The following RPS6KA5 variants were observed in gnomAD, a reference collection of about 807,000 sequenced individuals.
RPS6KA5 encodes ribosomal protein S6 kinase A5.
RPS6KA5 carries 27 observed loss-of-function variants against 85.5 expected under a neutral mutation model. The observed-to-expected ratio is 0.32, with a 90% CI of 0.23 to 0.44. The LOEUF (loss-of-function observed/expected upper bound fraction) is 0.44. Among genes scored for constraint, RPS6KA5 ranks in the 20% least tolerant of loss-of-function variants. RPS6KA5 has a pLI of 1.00. For synonymous variants in RPS6KA5, 334 were observed against 348.2 expected (o/e 0.96, Z 0.46); for missense variants, 811 against 980.9 (o/e 0.83, Z 2.31).
At chr14:91,035,262 A>G (rs912923680) in intron 1 of RPS6KA5, among the ~76,000 whole-genome samples, 4 of 152,152 alleles carry the variant, frequency 2.6e-5, no homozygotes, top group African/African-American at 7.2e-5. Flanking sequence ...ACCACGCTGT[A>G]CTAGTACTAG....
intron 1 of RPS6KA5, among the ~76,000 whole-genome samples, chr14:91,026,417 G>C (rs1595501732): frequency 6.6e-6 from 1 of 151,972 alleles, no homozygotes; most frequent in Non-Finnish European, 1.5e-5. Context: ...TCCCAGTAGA[G>C]ACGAGGTCTC....
chr14:91,052,846 A>T (rs1398133344), intron 1 of RPS6KA5, among the ~76,000 whole-genome samples: 1 of 151,776 alleles, frequency 6.6e-6, no homozygotes. Context: ...AAAAAAAAAA[A>T]AAAAAAAAGC....
At chr14:91,011,861 G>C (rs1333522856) in intron 1 of RPS6KA5, among the ~76,000 whole-genome samples, 1 of 152,020 alleles carries the variant, frequency 6.6e-6, no homozygotes, top group Admixed American at 6.5e-5. Flanking sequence ...GTAAACCATG[G>C]CCTACTCAAT....
At chr14:91,052,113 G>A (rs1193483576) in intron 1 of RPS6KA5, among the ~76,000 whole-genome samples, 1 of 151,236 alleles carries the variant, frequency 6.6e-6, no homozygotes, top group Non-Finnish European at 1.5e-5. Flanking sequence ...AGCAAATTAG[G>A]GGCTGACTTA....
chr14:90,943,693 ACT>A (rs1022442134), intron 4 of RPS6KA5, among the ~76,000 whole-genome samples: 2 of 151,158 alleles, frequency 1.3e-5, no homozygotes, highest in South Asian at 2.1e-4. Context: ...CTATACTCTA[ACT>A]CTTTTTTTCA....
At chr14:90,995,070 A>C (rs1193877931) in intron 2 of RPS6KA5, among the ~76,000 whole-genome samples, 1 of 152,046 alleles carries the variant, frequency 6.6e-6, no homozygotes, top group Admixed American at 6.6e-5. Flanking sequence ...TTTTAATATA[A>C]GACGGAGTCT....
chr14:90,919,626 C>T (rs1041271096), intron 7 of RPS6KA5, among the ~76,000 whole-genome samples: 26 of 152,092 alleles, frequency 1.7e-4, no homozygotes, highest in Non-Finnish European at 3.1e-4. Flanking sequence ...CAAAGCCAGA[C>T]ATGTCCCTTA....
chr14:90,954,962 T>G (rs1416338699), intron 3 of RPS6KA5, among the ~76,000 whole-genome samples: 1 of 152,230 alleles, frequency 6.6e-6, no homozygotes, highest in East Asian at 1.9e-4. Flanking sequence ...ATTCTTGATT[T>G]TGCCAATTTG....
At chr14:90,884,734 T>TG (rs1349433036) in intron 14 of RPS6KA5, among the ~76,000 whole-genome samples, 3 of 152,186 alleles carry the variant, frequency 2.0e-5, no homozygotes, top group Non-Finnish European at 1.5e-5. Context: ...TGATGAACAT[T>TG]GGGTTGTTTC....
intron 1 of RPS6KA5, among the ~76,000 whole-genome samples, chr14:91,045,088 T>C (rs935020145): frequency 1.3e-5 from 2 of 152,124 alleles, no homozygotes; most frequent in Non-Finnish European, 2.9e-5. Context: ...GGATTTATAA[T>C]CTACTAAACT....
chr14:90,914,311 T>TTTG (rs1555361759), intron 7 of RPS6KA5, among the ~76,000 whole-genome samples: 1 of 136,396 alleles, frequency 7.3e-6, no homozygotes, highest in African/African-American at 2.8e-5. Flanking sequence ...TCCCTAGGGT[T>TTTG]TTTTTTTTTT....
chr14:90,923,026 G>A (rs2036483324), intron 6 of RPS6KA5, 87 bp downstream of exon 6: 3 of 944,242 alleles, frequency 3.2e-6, no homozygotes, highest in Non-Finnish European at 5.0e-6. Context: ...AGACGGCTCT[G>A]TTGAAGAGAT....
chr14:90,993,469 C>T (rs1234787173), intron 2 of RPS6KA5, among the ~76,000 whole-genome samples: 4 of 152,040 alleles, frequency 2.6e-5, no homozygotes, highest in South Asian at 2.1e-4. Context: ...AGCAAGACTC[C>T]GTCTCAAAAA....
chr14:91,054,594 G>A (rs952672940), intron 1 of RPS6KA5, among the ~76,000 whole-genome samples: 1 of 149,144 alleles, frequency 6.7e-6, no homozygotes, highest in Non-Finnish European at 1.5e-5. Context: ...GCAAGATCAT[G>A]CCACTGCATT....
chr14:91,058,099 C>G (rs751200218), intron 1 of RPS6KA5, among the ~76,000 whole-genome samples: 1 of 152,132 alleles, frequency 6.6e-6, no homozygotes, highest in Non-Finnish European at 1.5e-5. Flanking sequence ...TACTCTGGTG[C>G]CTATTATAGA....
At chr14:90,891,836 T>C (rs889667489) in intron 13 of RPS6KA5, among the ~76,000 whole-genome samples, 2 of 152,130 alleles carry the variant, frequency 1.3e-5, no homozygotes, top group African/African-American at 2.4e-5. Context: ...AGAAGTCTTT[T>C]AGCAAGTAAC....
intron 7 of RPS6KA5, among the ~76,000 whole-genome samples, chr14:90,913,309 T>C (rs1324203754): frequency 6.6e-6 from 1 of 152,154 alleles, no homozygotes; most frequent in African/African-American, 2.4e-5. Flanking sequence ...ACTCCGGCCA[T>C]TGCTTCTGGG....
In RPS6KA5 at chr14:90,969,097, G is replaced by A. The variant is rs114385641; in HGVS notation, c.394+9209C>T. ...TGTTTGTATGTATATGGAAAGGCAGGTAGAGAATGGAGGAGAGAAAAATAG... is the reference window on the plus strand; with the variant it reads ...TGTTTGTATGTATATGGAAAGGCAGATAGAGAATGGAGGAGAGAAAAATAG... On this transcript the variant is annotated intron_variant, in intron 3 of 16. Coordinates refer to ENST00000614987, the MANE Select transcript of RPS6KA5 (RefSeq NM_004755.4). Among the ~76,000 whole-genome samples the A allele has an allele frequency of 4.0e-3, 602 of 152,260 alleles. 4 individuals are homozygous for A. Among genetic ancestry groups the A allele is most frequent in the African/African-American group, 0.014 (566 of 41,546 alleles).
intron 12 of RPS6KA5, among the ~76,000 whole-genome samples, chr14:90,897,859 T>A (rs1295217252): frequency 6.6e-6 from 1 of 152,172 alleles, no homozygotes. Flanking sequence ...GAATTTCCTC[T>A]ATATCATCTT....
Sources: allele counts gnomAD v4.1 joint callset (sites outside exome capture counted in the v4.1 genomes callset), GRCh38; gene constraint gnomAD v4.1.1; transcripts MANE v1.5; gene names NCBI Gene and HGNC (gene_info 2026-07-23, HGNC 2026-07-21).